Variants in SMYD3 observed in about 807,000 individuals in gnomAD.
The protein encoded by SMYD3 is SET and MYND domain containing 3.
A neutral mutation model predicts 57.7 loss-of-function variants in SMYD3; 36 were observed. That is an observed-to-expected ratio of 0.62 (90% CI 0.48 to 0.82). The LOEUF is 0.82. SMYD3 is among the 40% of genes least tolerant of loss of function. The pLI is 0.00. For missense variants in SMYD3, 515 were observed against 538.8 expected, an observed-to-expected ratio of 0.96 and a Z score of 0.44; for synonymous variants, 211 against 195.0, an observed-to-expected ratio of 1.08 and a Z score of -0.68.
intron 10 of SMYD3, among the ~76,000 whole-genome samples, chr1:245,766,003 T>G (rs1180383823): frequency 6.6e-6 from 1 of 152,140 alleles, no homozygotes; most frequent in Non-Finnish European, 1.5e-5. Flanking sequence ...TCCCATGAAA[T>G]GTGATATAGA....
intron 5 of SMYD3, among the ~76,000 whole-genome samples, chr1:246,306,266 G>C (rs767581442): frequency 2.0e-5 from 3 of 151,856 alleles, no homozygotes; most frequent in African/African-American, 7.3e-5. Context: ...AGAATCACTC[G>C]AGCCCAGGAG....
chr1:246,233,158 T>C (rs1490408706), intron 5 of SMYD3, among the ~76,000 whole-genome samples: 4 of 115,976 alleles, frequency 3.4e-5, no homozygotes, highest in Non-Finnish European at 3.5e-5. Context: ...CTCCTTCAAT[T>C]CACACTGTGA....
At chr1:245,956,123 G>A (rs2057832995) in intron 5 of SMYD3, 2 of 939,252 alleles carry the variant, frequency 2.1e-6, no homozygotes, top group South Asian at 4.9e-5. Flanking sequence ...TCATTTTGTT[G>A]CCCAGGCTGG....
At chr1:245,962,066 A>C (rs2058024958) in intron 5 of SMYD3, among the ~76,000 whole-genome samples, 1 of 152,052 alleles carries the variant, frequency 6.6e-6, no homozygotes, top group Non-Finnish European at 1.5e-5. Flanking sequence ...TAAACATCAT[A>C]CCACATGACA....
At chr1:246,428,166 T>A (rs1425801492) in intron 1 of SMYD3, among the ~76,000 whole-genome samples, 1 of 152,186 alleles carries the variant, frequency 6.6e-6, no homozygotes, top group Non-Finnish European at 1.5e-5. Flanking sequence ...CTCGGATTGA[T>A]TTGTTCAATC....
At chr1:245,793,101 A>T (rs1287563564) in intron 10 of SMYD3, among the ~76,000 whole-genome samples, 2 of 97,234 alleles carry the variant, frequency 2.1e-5, no homozygotes, top group East Asian at 5.3e-4. Context: ...CGAAATCAGG[A>T]GATCAAGACC....
At chr1:246,192,584 C>T (rs943289092) in intron 5 of SMYD3, among the ~76,000 whole-genome samples, 2 of 152,024 alleles carry the variant, frequency 1.3e-5, no homozygotes, top group Non-Finnish European at 2.9e-5. Context: ...AGCCAAGATT[C>T]GCAGTTAATG....
intron 1 of SMYD3, among the ~76,000 whole-genome samples, chr1:246,436,214 A>G (rs760092616): frequency 1.3e-5 from 2 of 151,986 alleles, no homozygotes; most frequent in Non-Finnish European, 2.9e-5. Context: ...CTATACAACA[A>G]TAGAAGAAAG....
chr1:246,487,068 T>A (rs932969707), intron 1 of SMYD3, among the ~76,000 whole-genome samples: 1 of 152,180 alleles, frequency 6.6e-6, no homozygotes, highest in Non-Finnish European at 1.5e-5. Context: ...TCAGAATGGG[T>A]AGACATTGAC....
At position 245,877,829 on chromosome 1, in the gene SMYD3, G is replaced by A. The variant is rs60061356; in HGVS notation, c.814-13943C>T. 8.9e-3 allele frequency among the ~76,000 whole-genome samples: 1,352 copies of A among 152,278 alleles called. 20 individuals are homozygous for A. The highest frequency in any genetic ancestry group is 0.03 in the African/African-American group (1,249 of 41,544). On this transcript the variant is annotated intron_variant, in intron 8 of 11. Coordinates refer to ENST00000490107, the MANE Select transcript of SMYD3 (RefSeq NM_001167740.2). The stretch of plus-strand genomic sequence containing the variant: ...CCAGGTACAGTTACCCCTAGGAAGC[G>A]GGAAATATGAAACTAGACCCAGAAG...
chr1:246,373,616 A>AT (rs2066224127), intron 1 of SMYD3, among the ~76,000 whole-genome samples: 1 of 152,156 alleles, frequency 6.6e-6, no homozygotes, highest in South Asian at 2.1e-4. Flanking sequence ...ATAAAAAGCA[A>AT]TCATTTCAGA....
intron 5 of SMYD3, among the ~76,000 whole-genome samples, chr1:246,302,786 G>C (rs1227897364): frequency 6.6e-6 from 1 of 152,094 alleles, no homozygotes; most frequent in Non-Finnish European, 1.5e-5. Context: ...GAACTGGCAG[G>C]AGTTAATAGC....
intron 5 of SMYD3, among the ~76,000 whole-genome samples, chr1:246,028,735 A>G (rs557742266): frequency 6.0e-4 from 92 of 152,328 alleles, no homozygotes; most frequent in Middle Eastern, 6.8e-3. Context: ...TTTAAATCCT[A>G]AAATTTGTAT....
chr1:245,916,318 G>A lies in SMYD3; in HGVS notation c.703-678C>T, dbSNP rs1362588994. ...TTATAAATGAGAGGATATATTTAAA[G>A]GACTCCTCGGACACTCTCTAACACT... On this transcript the variant is annotated intron_variant, in intron 7 of 11. Transcript: ENST00000490107. Among the ~76,000 whole-genome samples the A allele has an allele frequency of 2.6e-5, 4 of 152,092 alleles. No individual in the cohort carries two copies. In the East Asian group the frequency reaches 7.7e-4, roughly 29 times the overall value.
rs1167929744 is a variant in SMYD3 at position 245,814,459 on chromosome 1, A to T, written c.1076+44037T>A. 9.4e-6 allele frequency: 8 copies of T among 855,612 alleles called. No individual in the cohort carries two copies. The African/African-American group carries it at 1.5e-4, about 16-fold the overall frequency. 53.0% of individuals were successfully genotyped at this position (855,612 alleles called of 1,614,324 possible). A position where few individuals can be genotyped will look rare whatever the true frequency, so the allele number is the denominator to read the frequency against. ...TAAAAACGAAAAAATAAACAATAAAAATAAATAAATAAAATAAAAAGAATG... is the reference window on the plus strand; with the variant it reads ...TAAAAACGAAAAAATAAACAATAAATATAAATAAATAAAATAAAAAGAATG... On this transcript the variant is annotated intron_variant, in intron 10 of 11. Transcript: ENST00000490107.
chr1:246,337,138 G>C (rs2148674787), intron 2 of SMYD3, among the ~76,000 whole-genome samples: 1 of 152,276 alleles, frequency 6.6e-6, no homozygotes, highest in East Asian at 1.9e-4. Flanking sequence ...CAGGGGGCTA[G>C]TCCTTGACTA....
At chr1:245,823,476 G>A (rs754703509) in intron 10 of SMYD3, among the ~76,000 whole-genome samples, 8 of 152,200 alleles carry the variant, frequency 5.3e-5, no homozygotes, top group Non-Finnish European at 7.3e-5. Flanking sequence ...TGAAGTCAGC[G>A]CCGCGCACTA....
intron 1 of SMYD3, among the ~76,000 whole-genome samples, chr1:246,413,756 C>G (rs1177759076): frequency 6.6e-6 from 1 of 152,090 alleles, no homozygotes; most frequent in African/African-American, 2.4e-5. Context: ...CAAGCAGATG[C>G]CAGGTGCCAC....
At chr1:246,131,101 A>G (rs1346973661) in intron 5 of SMYD3, among the ~76,000 whole-genome samples, 2 of 152,156 alleles carry the variant, frequency 1.3e-5, no homozygotes, top group African/African-American at 4.8e-5. Flanking sequence ...TAAAATCAGC[A>G]CATGTTCTAC....
Sources: gnomAD v4.1 joint callset for allele counts (sites outside exome capture counted in the v4.1 genomes callset) on GRCh38, gnomAD v4.1.1 for gene constraint, MANE v1.5 for transcripts, NCBI Gene and HGNC (gene_info 2026-07-23, HGNC 2026-07-21) for gene names.